LRRN1: variants seen among roughly 807,000 people sequenced by gnomAD.
LRRN1 encodes the protein leucine-rich repeat neuronal protein 1.
Under a neutral mutation model 45.8 loss-of-function variants are expected in LRRN1, and 14 were observed. The ratio of observed to expected loss-of-function variants is 0.31; its 90% CI spans 0.20 to 0.48. The LOEUF is 0.48. Among genes scored for constraint, LRRN1 ranks in the 20% least tolerant of loss-of-function variants. The pLI is 0.99. For missense variants in LRRN1, 789 were observed against 874.2 expected, an observed-to-expected ratio of 0.90 and a Z score of 1.23; for synonymous variants, 359 against 330.1, an observed-to-expected ratio of 1.09 and a Z score of -0.95.
chr3:3,802,466 C>G (rs552331949), intron 1 of LRRN1, among the ~76,000 whole-genome samples: 2 of 152,270 alleles, frequency 1.3e-5, no homozygotes, highest in Admixed American at 1.3e-4. Flanking sequence ...CCCCCCAACC[C>G]CCGCCAGAAA....
At chr3:3,803,373 G>A (rs1455151542) in intron 1 of LRRN1, among the ~76,000 whole-genome samples, 1 of 152,122 alleles carries the variant, frequency 6.6e-6, no homozygotes, top group Non-Finnish European at 1.5e-5. Context: ...ATAAAATATG[G>A]TAAATTATAG....
intron 1 of LRRN1, among the ~76,000 whole-genome samples, chr3:3,837,698 A>G (rs565783326): frequency 6.8e-6 from 1 of 146,472 alleles, no homozygotes; most frequent in African/African-American, 2.5e-5. Flanking sequence ...ACCGCACCAC[A>G]TTTTTTTTTC....
At chr3:3,802,169 C>G (rs1036574512) in intron 1 of LRRN1, among the ~76,000 whole-genome samples, 1 of 152,196 alleles carries the variant, frequency 6.6e-6, no homozygotes, top group Non-Finnish European at 1.5e-5. Flanking sequence ...GGGAGGTAGT[C>G]GTGCAGTAGA....
intron 1 of LRRN1, among the ~76,000 whole-genome samples, chr3:3,827,945 C>T (rs1693261041): frequency 6.6e-6 from 1 of 151,972 alleles, no homozygotes. Context: ...TTGATAATAA[C>T]TCTTTACCAA....
In LRRN1 at chr3:3,845,931, C is replaced by A; in HGVS notation, c.1290C>A (p.Ser430Arg). The change falls in exon 2 of 2, where the codon AGC (serine) becomes AGA (arginine). Residue 430 changes from serine (S) to arginine (R), a missense_variant. Transcript: ENST00000319331. The surrounding 1 kb of genome is among the most constrained non-coding windows in gnomAD (Gnocchi z 6.5). The stretch of plus-strand genomic sequence containing the variant: ...GCCTCCCAATGATATCTCACGACAG[C>A]TTCCCAAATCGTTTAAACGTGGATA... ...EQCLPMISHD[S>R]FPNRLNVDIG... 1.2e-6 allele frequency: 2 copies of A among 1,614,156 alleles called. No individual in the cohort carries two copies. The highest frequency in any genetic ancestry group is 1.7e-6 in the Non-Finnish European group (2 of 1,180,010).
intron 1 of LRRN1, among the ~76,000 whole-genome samples, chr3:3,805,795 A>C (rs1692739029): frequency 6.6e-6 from 1 of 152,204 alleles, no homozygotes; most frequent in Non-Finnish European, 1.5e-5. Context: ...GGGGTACAGG[A>C]AGCCATTTAC....
chr3:3,834,529 T>TATATATATATATATATATATATG (rs1693450410), intron 1 of LRRN1, among the ~76,000 whole-genome samples: 1 of 97,098 alleles, frequency 1.0e-5, no homozygotes, highest in Non-Finnish European at 2.1e-5. Context: ...GAACAGGATA[T>TATATATATATATATATATATATG]ATATATATAT....
intron 1 of LRRN1, among the ~76,000 whole-genome samples, chr3:3,823,845 G>C (rs146517382): frequency 2.4e-4 from 36 of 152,224 alleles, no homozygotes; most frequent in Admixed American, 6.5e-4. Flanking sequence ...CAATCAAGAA[G>C]TGCTGCTTAA....
chr3:3,826,717 A>G (rs1463378801), intron 1 of LRRN1, among the ~76,000 whole-genome samples: 1 of 152,124 alleles, frequency 6.6e-6, no homozygotes, highest in Non-Finnish European at 1.5e-5. Context: ...CCAGGAACAT[A>G]ATTTTGGAAA....
At chr3:3,801,384 G>C (rs1291939693) in intron 1 of LRRN1, 1 of 152,228 alleles carries the variant, frequency 6.6e-6, no homozygotes, top group African/African-American at 2.4e-5. Flanking sequence ...GTCTTGCCAT[G>C]ACAATCTAAA....
At chr3:3,837,541 T>G (rs902907396) in intron 1 of LRRN1, among the ~76,000 whole-genome samples, 4 of 152,014 alleles carry the variant, frequency 2.6e-5, no homozygotes, top group African/African-American at 9.7e-5. Context: ...ACTCTCTAAA[T>G]AGGAGATACA....
chr3:3,831,924 A>G (rs1693380270), intron 1 of LRRN1, among the ~76,000 whole-genome samples: 1 of 152,198 alleles, frequency 6.6e-6, no homozygotes, highest in Admixed American at 6.5e-5. Flanking sequence ...TGTCCTTGCC[A>G]GCTGATGGCA....
intron 1 of LRRN1, among the ~76,000 whole-genome samples, chr3:3,813,911 A>G (rs1692933456): frequency 6.6e-6 from 1 of 152,014 alleles, no homozygotes; most frequent in South Asian, 2.1e-4. Context: ...CCCACTCCCA[A>G]AATGAGCTCC....
intron 1 of LRRN1, among the ~76,000 whole-genome samples, chr3:3,832,093 T>A (rs1693385091): frequency 6.6e-6 from 1 of 152,236 alleles, no homozygotes; most frequent in Non-Finnish European, 1.5e-5. Flanking sequence ...CATGATAATC[T>A]GCTGTCATTC....
At chr3:3,834,105 C>T (rs1693431891) in intron 1 of LRRN1, among the ~76,000 whole-genome samples, 1 of 152,142 alleles carries the variant, frequency 6.6e-6, no homozygotes, top group Admixed American at 6.5e-5. Flanking sequence ...TCGGTATCTG[C>T]TTCTGAAGCC....
In LRRN1 at chr3:3,846,356, C is replaced by G. The variant is rs1454893174; in HGVS notation, c.1715C>G (p.Ala572Gly). The G allele has an allele frequency of 6.2e-7, 1 of 1,613,794 alleles. No homozygotes were observed. Among genetic ancestry groups the G allele is most frequent in the East Asian group, 2.2e-5 (1 of 44,884 alleles). ...GATAACCCTCACATAACATATACTGCCAGGGTCCCAGTCGATGTCCATGAA... is the reference window on the plus strand; with the variant it reads ...GATAACCCTCACATAACATATACTGGCAGGGTCCCAGTCGATGTCCATGAA... ...KIDNPHITYT[A>G]RVPVDVHEYN... The change falls in exon 2 of 2, where the codon GCC becomes GGC. Residue 572 changes from alanine to glycine, a missense_variant. Transcript: ENST00000319331. This position sits in a 1 kb window ranked among gnomAD's most constrained non-coding sequence, Gnocchi z 5.7.
chr3:3,799,977 C>A, intron 1 of LRRN1, 58 bp downstream of exon 1: 1 of 153,838 alleles, frequency 6.5e-6, no homozygotes, highest in South Asian at 1.9e-4. Flanking sequence ...GAGGGGAAGT[C>A]GAGGCAAACT....
At chr3:3,805,609 A>C (rs998033371) in intron 1 of LRRN1, among the ~76,000 whole-genome samples, 4 of 152,166 alleles carry the variant, frequency 2.6e-5, no homozygotes, top group African/African-American at 9.7e-5. Flanking sequence ...CAAGAGCTAG[A>C]ATTATATGGA....
intron 1 of LRRN1, among the ~76,000 whole-genome samples, chr3:3,839,863 T>C (rs1693609121): frequency 6.6e-6 from 1 of 152,236 alleles, no homozygotes; most frequent in East Asian, 1.9e-4. Flanking sequence ...CATTTATTAG[T>C]TTTAGTGGGT....
Sources: allele counts gnomAD v4.1 joint callset (sites outside exome capture counted in the v4.1 genomes callset), GRCh38; gene constraint gnomAD v4.1.1; non-coding constraint Gnocchi (gnomAD v3.1); transcripts MANE v1.5; gene names NCBI Gene and HGNC (gene_info 2026-07-23, HGNC 2026-07-21).